ARHGAP26: variants seen among roughly 807,000 people sequenced by gnomAD.
ARHGAP26 encodes rho GTPase-activating protein 26.
A neutral mutation model predicts 104.8 loss-of-function variants in ARHGAP26; 38 were observed. That is an observed-to-expected ratio of 0.36 (90% CI 0.28 to 0.48). The LOEUF (loss-of-function observed/expected upper bound fraction) is 0.48. Ranked by LOEUF, ARHGAP26 falls within the 20% of genes least tolerant of loss-of-function variation. The probability of loss-of-function intolerance (pLI) is 0.99; values close to 1 mark genes in which losing one functional copy is unlikely to be tolerated. For synonymous variants in ARHGAP26, 341 were observed against 340.0 expected (o/e 1.00, Z -0.03); for missense variants, 704 against 947.9 (o/e 0.74, Z 3.38).
At chr5:143,184,975 A>G (rs1804924733) in intron 20 of ARHGAP26, among the ~76,000 whole-genome samples, 4 of 152,188 alleles carry the variant, frequency 2.6e-5, no homozygotes, top group Admixed American at 2.6e-4. Context: ...GGAATTAATG[A>G]GAGGTCTATG....
chr5:143,144,002 G>C (rs1330847317), intron 19 of ARHGAP26, among the ~76,000 whole-genome samples: 3 of 152,218 alleles, frequency 2.0e-5, no homozygotes, highest in Admixed American at 2.0e-4. Flanking sequence ...TTTGAGGCGG[G>C]CAAGCATTCT....
At chr5:142,892,376 G>T (rs577607320) in intron 5 of ARHGAP26, among the ~76,000 whole-genome samples, 5 of 152,036 alleles carry the variant, frequency 3.3e-5, no homozygotes, top group Non-Finnish European at 7.3e-5. Flanking sequence ...AGAAATCCCA[G>T]CTCTGCCGTA....
chr5:143,108,460 C>G (rs1050276994), intron 17 of ARHGAP26, among the ~76,000 whole-genome samples: 1 of 152,086 alleles, frequency 6.6e-6, no homozygotes, highest in Non-Finnish European at 1.5e-5. Flanking sequence ...GTCTTCTAAT[C>G]AAATATCCAA....
At chr5:143,185,645 G>A (rs1210736618) in intron 20 of ARHGAP26, among the ~76,000 whole-genome samples, 1 of 152,104 alleles carries the variant, frequency 6.6e-6, no homozygotes, top group African/African-American at 2.4e-5. Context: ...ACTTTATCCG[G>A]TTCAGCAAGT....
intron 17 of ARHGAP26, among the ~76,000 whole-genome samples, chr5:143,120,612 C>A (rs780296221): frequency 6.6e-6 from 1 of 152,108 alleles, no homozygotes; most frequent in Non-Finnish European, 1.5e-5. Context: ...AAAATGCTAA[C>A]GATTGCAGTT....
chr5:143,211,578 CTTTT>C (rs71741022), intron 21 of ARHGAP26, among the ~76,000 whole-genome samples: 2 of 143,912 alleles, frequency 1.4e-5, no homozygotes. Context: ...TACCTACTTA[CTTTT>C]TTTTTTTTTT....
intron 11 of ARHGAP26, among the ~76,000 whole-genome samples, chr5:143,009,075 C>T (rs1778386636): frequency 6.6e-6 from 1 of 152,092 alleles, no homozygotes; most frequent in African/African-American, 2.4e-5. Context: ...GCTACTCTCC[C>T]CCCCTGGTGT....
intron 12 of ARHGAP26, among the ~76,000 whole-genome samples, chr5:143,020,102 G>A (rs772947392): frequency 2.0e-5 from 3 of 152,080 alleles, no homozygotes; most frequent in Non-Finnish European, 2.9e-5. Flanking sequence ...ATCTTGTGCC[G>A]GATGAAACTG....
At chr5:142,788,637 C>G (rs1404050971) in intron 1 of ARHGAP26, among the ~76,000 whole-genome samples, 3 of 152,128 alleles carry the variant, frequency 2.0e-5, no homozygotes, top group Non-Finnish European at 2.9e-5. Flanking sequence ...AGTACAACAA[C>G]TGTTACAGAG....
At chr5:142,971,514 A>G (rs972319509) in intron 11 of ARHGAP26, among the ~76,000 whole-genome samples, 1 of 152,116 alleles carries the variant, frequency 6.6e-6, no homozygotes, top group Non-Finnish European at 1.5e-5. Flanking sequence ...CGCTGCAGGA[A>G]GTTTGAGCAA....
chr5:142,917,291 G>T (rs1037314365), intron 10 of ARHGAP26, among the ~76,000 whole-genome samples: 2 of 152,018 alleles, frequency 1.3e-5, no homozygotes, highest in Non-Finnish European at 2.9e-5. Context: ...CACCTGCCTC[G>T]GCCTCTCAAA....
intron 20 of ARHGAP26, among the ~76,000 whole-genome samples, chr5:143,178,399 A>G (rs1389370798): frequency 6.6e-6 from 1 of 152,208 alleles, no homozygotes; most frequent in Non-Finnish European, 1.5e-5. Context: ...AAGAAGGAGC[A>G]TTGTGTTCAT....
At chr5:142,899,781 A>G (rs1213810304) in intron 6 of ARHGAP26, among the ~76,000 whole-genome samples, 2 of 152,136 alleles carry the variant, frequency 1.3e-5, no homozygotes, top group Non-Finnish European at 1.5e-5. Context: ...AAATAGCAAT[A>G]TGTTAAGGAG....
chr5:143,138,736 T>G (rs1798186036), intron 19 of ARHGAP26, among the ~76,000 whole-genome samples: 1 of 152,244 alleles, frequency 6.6e-6, no homozygotes, highest in Non-Finnish European at 1.5e-5. Context: ...TATCTATGAC[T>G]ATATAACTTA....
At chr5:143,089,388 G>A (rs1470454692) in intron 17 of ARHGAP26, among the ~76,000 whole-genome samples, 5 of 152,126 alleles carry the variant, frequency 3.3e-5, no homozygotes, top group African/African-American at 9.7e-5. Flanking sequence ...TCCATTTACC[G>A]AACTACTTTC....
intron 17 of ARHGAP26, among the ~76,000 whole-genome samples, chr5:143,058,815 G>T (rs748523082): frequency 6.6e-6 from 1 of 152,208 alleles, no homozygotes; most frequent in Non-Finnish European, 1.5e-5. Context: ...TTTCCATCAA[G>T]AAGCCAAGAG....
chr5:143,150,147 ACTCCTGAAGTAGCCATCT>A (rs768490250), intron 20 of ARHGAP26, among the ~76,000 whole-genome samples: 3 of 151,878 alleles, frequency 2.0e-5, no homozygotes, highest in Non-Finnish European at 2.9e-5. Context: ...CCTCAGCTTG[ACTCCTGAAGTAGCCATCT>A]CTCCTGAAGA....
intron 11 of ARHGAP26, among the ~76,000 whole-genome samples, chr5:142,995,633 A>G (rs992973958): frequency 6.6e-5 from 10 of 152,218 alleles, no homozygotes; most frequent in Admixed American, 6.5e-4. Context: ...AACCAGAAAT[A>G]CCATTTGACC....
chr5:143,063,563 C>T (rs1257080797), intron 17 of ARHGAP26, among the ~76,000 whole-genome samples: 2 of 152,248 alleles, frequency 1.3e-5, no homozygotes, highest in African/African-American at 2.4e-5. Context: ...TTCTCATGAT[C>T]ACCATCCTGT....
Sources: allele counts gnomAD v4.1 joint callset (sites outside exome capture counted in the v4.1 genomes callset), GRCh38; gene constraint gnomAD v4.1.1; transcripts MANE v1.5; gene names NCBI Gene and HGNC (gene_info 2026-07-23, HGNC 2026-07-21).